Variants in STAT2 observed in about 807,000 individuals in gnomAD.
STAT2 encodes interferon alpha induced transcriptional activator.
In STAT2, 51 loss-of-function variants were observed where a neutral mutation model predicts 122.3. The ratio of observed to expected loss-of-function variants is 0.42; its 90% CI spans 0.33 to 0.53. The LOEUF (loss-of-function observed/expected upper bound fraction) is 0.53, where lower values mean the gene tolerates loss of function less well. Ranked by LOEUF, STAT2 falls within the 20% of genes least tolerant of loss-of-function variation. STAT2 has a pLI of 0.10. For missense variants in STAT2, 736 were observed against 1,010.3 expected (o/e 0.73, Z 3.68); for synonymous variants, 351 against 394.9 (o/e 0.89, Z 1.32).
At chr12:56,350,661 T>C (rs11575231) in intron 11 of STAT2, among the ~76,000 whole-genome samples, 168 bp downstream of exon 11, 6,957 of 152,272 alleles carry the variant, frequency 0.046, 223 homozygotes, top group Non-Finnish European at 0.068. Context: ...GTAGCTGACA[T>C]GCTGCATGTC....
At chr12:56,355,846 C>T in intron 3 of STAT2, 43 bp from the exon 4 acceptor site, 3 of 1,574,734 alleles carry the variant, frequency 1.9e-6, no homozygotes, top group Non-Finnish European at 2.6e-6. Flanking sequence ...TTCAACCACT[C>T]TCAATGACCT....
Position 56,348,685 on chromosome 12 carries a change from G to C in STAT2, c.1630-62C>G, listed in dbSNP as rs55943277. On this transcript the variant is annotated intron_variant, in intron 18 of 23. Coordinates refer to ENST00000314128, the MANE Select transcript of STAT2 (RefSeq NM_005419.4). ...GTTGCCTCTGGTGTAGGGAAGGAGG[G>C]ACGTGGGAAGGCCAGTATTTGGAAT... 257 of 1,614,072 alleles carry C rather than the reference G, an allele frequency of 1.6e-4. 1 individual carries two copies. In the East Asian group the frequency reaches 3.8e-3, roughly 24 times the overall value.
In STAT2 at chr12:56,345,524, A is replaced by ATATATATATATAT. The variant is rs1253052692; in HGVS notation, c.2102+621_2102+622insATATATATATATA. Among the ~76,000 whole-genome samples, 3 of 26,248 alleles carry ATATATATATATAT rather than the reference A, an allele frequency of 1.1e-4. No homozygotes were observed. In the African/African-American group the frequency reaches 1.6e-3, roughly 14 times the overall value. 17.2% of individuals were successfully genotyped at this position (26,248 alleles called of 152,430 possible). On this transcript the variant is annotated intron_variant, in intron 22 of 23. Transcript: ENST00000314128. ...AAAAAAAAAAAAAAAAAAAAAAAAA[A>ATATATATATATAT]ATATATATATATGCGGGGTGTGGTG...
At chr12:56,358,023 A>G (rs1242722988) in intron 1 of STAT2, among the ~76,000 whole-genome samples, 1 of 152,160 alleles carries the variant, frequency 6.6e-6, no homozygotes, top group Non-Finnish European at 1.5e-5. Context: ...TTTCAAATAC[A>G]CACTAGAGTA....
intron 22 of STAT2, among the ~76,000 whole-genome samples, chr12:56,344,561 CT>C (rs769717574): frequency 3.3e-5 from 5 of 152,194 alleles, no homozygotes; most frequent in Non-Finnish European, 5.9e-5. Flanking sequence ...ACCATTTAGC[CT>C]AGTGCCTGGC....
At chr12:56,355,054 ACT>A (rs1245655020) in intron 6 of STAT2, 191 bp from the exon 7 acceptor site, 13 of 726,280 alleles carry the variant, frequency 1.8e-5, no homozygotes, top group Non-Finnish European at 3.0e-5. Flanking sequence ...CAAATAAAAC[ACT>A]GTTAGTTTTC....
At position 56,350,890 on chromosome 12, in the gene STAT2, T is replaced by A. The variant is rs1237980402; in HGVS notation, c.1035-2A>T. On this transcript the variant is annotated splice_acceptor_variant, in intron 10 of 23. Transcript: ENST00000314128. LOFTEE classifies it high-confidence loss of function. ...CCTTCCTGGAGTCTCACCAGCAGCC[T>A]GGGGGAAGGAAGGGGGATAGGGGAA... The A allele has an allele frequency of 6.2e-7, 1 of 1,613,860 alleles. No homozygotes were observed. Among genetic ancestry groups the A allele is most frequent in the Non-Finnish European group, 8.5e-7 (1 of 1,180,020 alleles).
chr12:56,347,126 A>T (rs916993736), intron 19 of STAT2, among the ~76,000 whole-genome samples, 171 bp from the exon 20 acceptor site: 1 of 152,020 alleles, frequency 6.6e-6, no homozygotes, highest in Non-Finnish European at 1.5e-5. Context: ...CACTTTGCTG[A>T]CAATAGCCAC....
chr12:56,356,080 C>T (rs749801474), intron 3 of STAT2, 52 bp downstream of exon 3: 19 of 1,593,066 alleles, frequency 1.2e-5, no homozygotes, highest in Non-Finnish European at 1.5e-5. Flanking sequence ...AACCTTACTC[C>T]TCTATGCTCA....
rs146618392 is a variant in STAT2 at position 56,344,062 on chromosome 12, C to T, written c.2176G>A (p.Gly726Arg). The T allele has an allele frequency of 1.2e-5, 19 of 1,607,064 alleles. No individual in the cohort carries two copies. The highest frequency in any genetic ancestry group is 1.6e-5 in the Non-Finnish European group (19 of 1,176,286). The change falls in exon 23 of 24, where the codon GGG becomes AGG. Residue 726 changes from glycine (G) to arginine (R), a missense_variant. Coordinates refer to ENST00000314128, the MANE Select transcript of STAT2 (RefSeq NM_005419.4). ...CTGAGCTCTGGCTCTGGCACCAGCC[C>T]TAGTTCCAGCTCTAATGACTCCAGC... ...PELESLELEL[G>R]LVPEPELSLD...
At position 56,356,199 on chromosome 12, in the gene STAT2, C is replaced by T. The variant is rs375433807; in HGVS notation, c.218G>A (p.Arg73His). The T allele has an allele frequency of 2.9e-5, 47 of 1,613,924 alleles. 2 individuals carry two copies. The South Asian group carries it at 3.3e-4, about 11-fold the overall frequency. The change falls in exon 3 of 24, where the codon CGT (arginine) becomes CAT (histidine). Residue 73 changes from arginine to histidine, a missense_variant. Coordinates refer to ENST00000314128, the MANE Select transcript of STAT2 (RefSeq NM_005419.4). ...FLDQLNYECG[R>H]CSQDPESLLL... ...CAAGGACTCTGGGTCCTGGCTGCAACGGCCACACTCATAGTTCAGCTGATC... is the reference window on the plus strand; with the variant it reads ...CAAGGACTCTGGGTCCTGGCTGCAATGGCCACACTCATAGTTCAGCTGATC...
intron 9 of STAT2, 45 bp downstream of exon 9, chr12:56,351,247 C>A: frequency 6.2e-7 from 1 of 1,611,838 alleles, no homozygotes; most frequent in Non-Finnish European, 8.5e-7. Flanking sequence ...AGAATGGCTT[C>A]CCTTGTTCCT....
chr12:56,354,334 G>A, intron 8 of STAT2, 132 bp downstream of exon 8: 1 of 1,407,534 alleles, frequency 7.1e-7, no homozygotes, highest in Non-Finnish European at 9.7e-7. Context: ...TAGAGCTGCA[G>A]TCAGCAGGGA....
intron 11 of STAT2, 77 bp downstream of exon 11, chr12:56,350,752 G>T: frequency 6.8e-7 from 1 of 1,470,432 alleles, no homozygotes; most frequent in Non-Finnish European, 9.5e-7. Context: ...TAGCCCTAGG[G>T]CCCTGTTGTG....
At chr12:56,353,864 T>C (rs1455421121) in intron 8 of STAT2, among the ~76,000 whole-genome samples, 1 of 149,556 alleles carries the variant, frequency 6.7e-6, no homozygotes, top group Admixed American at 6.7e-5. Flanking sequence ...GGCATGGTGG[T>C]GTGTGCCTGT....
chr12:56,347,551 G>A (rs1877686962), intron 19 of STAT2, among the ~76,000 whole-genome samples: 1 of 152,016 alleles, frequency 6.6e-6, no homozygotes, highest in Non-Finnish European at 1.5e-5. Context: ...CACCCAGGCT[G>A]GAGTGCAATG....
At chr12:56,343,695 A>C in intron 23 of STAT2, 130 bp downstream of exon 23, 1 of 1,528,986 alleles carries the variant, frequency 6.5e-7, no homozygotes, top group Non-Finnish European at 8.8e-7. Flanking sequence ...TAATTCCTAA[A>C]AAAAGGAATC....
chr12:56,346,121 G>A (rs1446891659), intron 22 of STAT2, 25 bp downstream of exon 22: 2 of 1,613,936 alleles, frequency 1.2e-6, no homozygotes, highest in Non-Finnish European at 1.7e-6. Context: ...GATTAGGGAG[G>A]ATGAATGAAG....
intron 8 of STAT2, chr12:56,352,570 G>T: frequency 6.6e-6 from 1 of 150,484 alleles, no homozygotes. Flanking sequence ...CTGGGAGACA[G>T]AGAGAGACCC....
Sources: gnomAD v4.1 joint callset for allele counts (sites outside exome capture counted in the v4.1 genomes callset) on GRCh38, gnomAD v4.1.1 for gene constraint, MANE v1.5 for transcripts, NCBI Gene and HGNC (gene_info 2026-07-23, HGNC 2026-07-21) for gene names.